The following DENND1A variants were observed in gnomAD, a reference collection of about 807,000 sequenced individuals.
DENND1A encodes the protein DENN domain containing 1A.
DENND1A carries 51 observed loss-of-function variants against 113.7 expected under a neutral mutation model. The ratio of observed to expected loss-of-function variants is 0.45; its 90% CI spans 0.36 to 0.57. The LOEUF (loss-of-function observed/expected upper bound fraction) is 0.57, where lower values mean the gene tolerates loss of function less well. DENND1A is among the 20% of genes least tolerant of loss of function. The probability of loss-of-function intolerance (pLI) is 0.00; values close to 1 mark genes in which losing one functional copy is unlikely to be tolerated. For missense variants in DENND1A, 1,258 were observed against 1,395.9 expected (o/e 0.90, Z 1.57); for synonymous variants, 565 against 570.8 (o/e 0.99, Z 0.14).
At chr9:123,504,157 G>A (rs969885265) in intron 13 of DENND1A, among the ~76,000 whole-genome samples, 13 of 152,120 alleles carry the variant, frequency 8.5e-5, no homozygotes, top group Non-Finnish European at 1.5e-4. Flanking sequence ...AGGCTGTGCC[G>A]TCTATTCTTG....
chr9:123,867,718 A>G (rs1845980928), intron 2 of DENND1A, among the ~76,000 whole-genome samples: 1 of 151,918 alleles, frequency 6.6e-6, no homozygotes, highest in South Asian at 2.1e-4. Flanking sequence ...CAGCTCCCCC[A>G]GTTCTCCCCC....
intron 11 of DENND1A, among the ~76,000 whole-genome samples, chr9:123,584,481 C>A (rs558557134): frequency 1.3e-5 from 2 of 152,316 alleles, no homozygotes; most frequent in East Asian, 3.9e-4. Flanking sequence ...CTAATTCACC[C>A]CAGAGCATGG....
intron 8 of DENND1A, among the ~76,000 whole-genome samples, chr9:123,661,725 T>C (rs2063244636): frequency 6.6e-6 from 1 of 152,140 alleles, no homozygotes; most frequent in South Asian, 2.1e-4. Flanking sequence ...AGGAAAATAA[T>C]ACGAGGAGAA....
intron 2 of DENND1A, among the ~76,000 whole-genome samples, chr9:123,869,949 G>A (rs1002483790): frequency 5.6e-5 from 8 of 142,576 alleles, no homozygotes; most frequent in Non-Finnish European, 8.9e-5. Context: ...CCATGATCAC[G>A]CCATTGAAAC....
chr9:123,407,397 C>G (rs972509917), intron 20 of DENND1A, among the ~76,000 whole-genome samples: 10 of 152,126 alleles, frequency 6.6e-5, no homozygotes, highest in African/African-American at 2.4e-4. Context: ...CAAATACACA[C>G]TCACAGAGGC....
At chr9:123,454,300 C>T (rs1229660060) in intron 16 of DENND1A, among the ~76,000 whole-genome samples, 1 of 152,162 alleles carries the variant, frequency 6.6e-6, no homozygotes, top group East Asian at 1.9e-4. Flanking sequence ...GCCCCTGGCT[C>T]CTGACACATC....
intron 4 of DENND1A, chr9:123,759,906 G>T (rs912011057): frequency 6.6e-6 from 1 of 152,116 alleles, no homozygotes; most frequent in Non-Finnish European, 1.5e-5. Context: ...GCTAAATTTC[G>T]CATTCAAGGG....
chr9:123,389,770 C>G (rs2042744420), intron 21 of DENND1A, among the ~76,000 whole-genome samples: 1 of 152,244 alleles, frequency 6.6e-6, no homozygotes. Context: ...GGGGAGCCCA[C>G]TCTCACTCTG....
At chr9:123,509,945 T>G (rs926217572) in intron 13 of DENND1A, among the ~76,000 whole-genome samples, 1 of 152,248 alleles carries the variant, frequency 6.6e-6, no homozygotes, top group Non-Finnish European at 1.5e-5. Context: ...CTACCTCAGA[T>G]GAACCTACCT....
intron 12 of DENND1A, among the ~76,000 whole-genome samples, chr9:123,577,763 C>T (rs968357707): frequency 1.3e-5 from 2 of 152,166 alleles, no homozygotes; most frequent in African/African-American, 4.8e-5. Flanking sequence ...GACGAATTCA[C>T]CCCCATGTAA....
intron 5 of DENND1A, among the ~76,000 whole-genome samples, chr9:123,738,765 C>T (rs1318930943): frequency 6.6e-6 from 1 of 152,150 alleles, no homozygotes; most frequent in African/African-American, 2.4e-5. Context: ...GAGAGTAATT[C>T]ACTGGGTTGC....
intron 3 of DENND1A, among the ~76,000 whole-genome samples, chr9:123,771,500 G>A (rs1829723725): frequency 6.6e-6 from 1 of 152,130 alleles, no homozygotes; most frequent in South Asian, 2.1e-4. Flanking sequence ...GCCAATATCA[G>A]CTACAAAGAA....
chr9:123,676,041 G>GA (rs2064058089), intron 6 of DENND1A, among the ~76,000 whole-genome samples: 1 of 152,166 alleles, frequency 6.6e-6, no homozygotes, highest in Non-Finnish European at 1.5e-5. Flanking sequence ...ATGCAGCCAT[G>GA]AAAAATATTT....
At chr9:123,857,986 G>A (rs1387792989) in intron 2 of DENND1A, among the ~76,000 whole-genome samples, 1 of 151,520 alleles carries the variant, frequency 6.6e-6, no homozygotes, top group African/African-American at 2.4e-5. Flanking sequence ...GTGAACCCGG[G>A]AGGCGGAGCT....
chr9:123,777,882 A>G (rs1830691064), intron 3 of DENND1A, among the ~76,000 whole-genome samples: 1 of 152,230 alleles, frequency 6.6e-6, no homozygotes, highest in Admixed American at 6.5e-5. Flanking sequence ...GTCTCACTAA[A>G]CAGTCATCTG....
chr9:123,668,055 G>A (rs986069081), intron 7 of DENND1A, among the ~76,000 whole-genome samples: 2 of 152,100 alleles, frequency 1.3e-5, no homozygotes, highest in African/African-American at 4.8e-5. Flanking sequence ...ACAACAGGCT[G>A]AACTGATGGC....
intron 10 of DENND1A, among the ~76,000 whole-genome samples, chr9:123,624,571 G>C (rs2061113395): frequency 6.6e-6 from 1 of 152,186 alleles, no homozygotes; most frequent in African/African-American, 2.4e-5. Context: ...AAGAGACCAG[G>C]AGAAAGACTG....
chr9:123,786,748 G>C (rs1448580875), intron 3 of DENND1A, among the ~76,000 whole-genome samples: 1 of 152,106 alleles, frequency 6.6e-6, no homozygotes. Context: ...TGATCCATTT[G>C]ACCCTTATAT....
chr9:123,845,230 A>AG (rs1842416856), intron 2 of DENND1A, among the ~76,000 whole-genome samples: 1 of 152,054 alleles, frequency 6.6e-6, no homozygotes. Flanking sequence ...CAAAAAACAA[A>AG]AAAAAAATCA....
Sources: allele counts gnomAD v4.1 joint callset (sites outside exome capture counted in the v4.1 genomes callset), GRCh38; gene constraint gnomAD v4.1.1; transcripts MANE v1.5; gene names NCBI Gene and HGNC (gene_info 2026-07-23, HGNC 2026-07-21).